GRIK1: variants seen among roughly 807,000 people sequenced by gnomAD.
The protein encoded by GRIK1 is glutamate receptor ionotropic, kainate 1.
In GRIK1, 69 loss-of-function variants were observed where a neutral mutation model predicts 105.7. The observed-to-expected ratio is 0.65, with a 90% confidence interval of 0.54 to 0.80. GRIK1 has a LOEUF of 0.80. Among genes scored for constraint, GRIK1 ranks in the 30% least tolerant of loss-of-function variants. GRIK1 has a pLI of 0.00. For missense variants in GRIK1, 1,109 were observed against 1,167.3 expected (o/e 0.95, Z 0.73); for synonymous variants, 438 against 431.3 (o/e 1.02, Z -0.19).
At chr21:29,937,903 T>C (rs1488795477) in intron 1 of GRIK1, among the ~76,000 whole-genome samples, 3 of 152,138 alleles carry the variant, frequency 2.0e-5, no homozygotes, top group Non-Finnish European at 4.4e-5. Flanking sequence ...TTATGTATAG[T>C]AGTAAGTTTT....
At chr21:29,783,042 A>G (rs1268907565) in intron 1 of GRIK1, among the ~76,000 whole-genome samples, 3 of 152,198 alleles carry the variant, frequency 2.0e-5, no homozygotes, top group Non-Finnish European at 4.4e-5. Flanking sequence ...TATAGCCCCC[A>G]ACACAACACA....
intron 1 of GRIK1, among the ~76,000 whole-genome samples, chr21:29,791,360 C>T (rs2066408960): frequency 6.6e-6 from 1 of 152,052 alleles, no homozygotes; most frequent in African/African-American, 2.4e-5. Context: ...GGCACTGAAG[C>T]CTGGAGAAAG....
intron 16 of GRIK1, among the ~76,000 whole-genome samples, chr21:29,551,362 T>C (rs946841036): frequency 6.6e-6 from 1 of 152,168 alleles, no homozygotes; most frequent in African/African-American, 2.4e-5. Flanking sequence ...TATTAAGAAA[T>C]TGAGACTGAG....
At position 29,805,535 on chromosome 21, in the gene GRIK1, G is replaced by T. The variant is rs527457012; in HGVS notation, c.119-111472C>A. 6.6e-5 allele frequency among the ~76,000 whole-genome samples: 10 copies of T among 152,262 alleles called. No homozygotes were observed. In the South Asian group the frequency reaches 1.5e-3, roughly 22 times the overall value. On this transcript the variant is annotated intron_variant, in intron 1 of 17. Coordinates refer to ENST00000327783, the MANE Select transcript of GRIK1 (RefSeq NM_001330994.2). Reference sequence around the variant, plus strand: ...AAATTTTGAAGACTAAGAAGAAATTGTTTTCTTCTAGTGGATAAACAACTC... The same window carrying T: ...AAATTTTGAAGACTAAGAAGAAATTTTTTTCTTCTAGTGGATAAACAACTC...
intron 1 of GRIK1, among the ~76,000 whole-genome samples, chr21:29,879,791 T>A (rs1251421344): frequency 1.3e-5 from 2 of 152,132 alleles, no homozygotes; most frequent in Non-Finnish European, 2.9e-5. Flanking sequence ...TTTGCAACTG[T>A]CTTCTGCTTA....
At chr21:29,650,378 C>T (rs2832423) in intron 6 of GRIK1, among the ~76,000 whole-genome samples, 5,451 of 152,262 alleles carry the variant, frequency 0.036, 339 homozygotes, top group African/African-American at 0.12. Context: ...TATCTTTCCC[C>T]TTAGATGGCT....
chr21:29,820,136 C>CATT (rs1398986106), intron 1 of GRIK1, among the ~76,000 whole-genome samples: 1 of 152,092 alleles, frequency 6.6e-6, no homozygotes, highest in African/African-American at 2.4e-5. Context: ...AGTAATCAAT[C>CATT]ATTTGCACAC....
chr21:29,555,972 C>G (rs1279319650), intron 15 of GRIK1, among the ~76,000 whole-genome samples: 1 of 152,158 alleles, frequency 6.6e-6, no homozygotes, highest in Non-Finnish European at 1.5e-5. Context: ...TGACTTCCAG[C>G]CCCTGTTCCA....
chr21:29,659,724 G>T (rs999954977), intron 4 of GRIK1, among the ~76,000 whole-genome samples: 2 of 152,168 alleles, frequency 1.3e-5, no homozygotes, highest in African/African-American at 4.8e-5. Context: ...ACTTTGGGAG[G>T]CCGAGTTGGA....
chr21:29,658,518 T>A (rs1251935630), intron 4 of GRIK1, among the ~76,000 whole-genome samples: 1 of 152,218 alleles, frequency 6.6e-6, no homozygotes, highest in Non-Finnish European at 1.5e-5. Context: ...TGTCTTGGTC[T>A]CCCTAAGTGC....
intron 1 of GRIK1, among the ~76,000 whole-genome samples, chr21:29,752,692 G>A (rs2065236501): frequency 6.6e-6 from 1 of 152,106 alleles, no homozygotes; most frequent in South Asian, 2.1e-4. Context: ...TAAAAAATTA[G>A]TGAGTGTGGT....
chr21:29,804,804 A>G (rs1489532937), intron 1 of GRIK1, among the ~76,000 whole-genome samples: 1 of 152,218 alleles, frequency 6.6e-6, no homozygotes, highest in African/African-American at 2.4e-5. Flanking sequence ...TTAGTTATAC[A>G]TAAGTGTCAT....
chr21:29,883,918 A>T (rs2069515770), intron 1 of GRIK1, among the ~76,000 whole-genome samples: 2 of 152,128 alleles, frequency 1.3e-5, no homozygotes, highest in South Asian at 4.1e-4. Flanking sequence ...AAAACCCGAC[A>T]GGCTTCAACA....
rs559897822 is a variant in GRIK1 at position 29,565,979 on chromosome 21, C to A, written c.2131-4130G>T. ...CTGCAGAGTTCTGTCCGCTGCATGC[C>A]ACGCTCAGTAATGTTTATTTTTTGT... On this transcript the variant is annotated intron_variant, in intron 14 of 17. Transcript: ENST00000327783. Among the ~76,000 whole-genome samples the A allele has an allele frequency of 3.3e-5, 5 of 152,242 alleles. No homozygotes were observed. The East Asian group carries it at 7.7e-4, about 23-fold the overall frequency.
intron 7 of GRIK1, among the ~76,000 whole-genome samples, chr21:29,608,865 G>A (rs766291271): frequency 1.7e-4 from 26 of 152,062 alleles, no homozygotes; most frequent in African/African-American, 6.0e-4. Context: ...CTGTACTAGA[G>A]GATGGAATCA....
chr21:29,711,345 C>A (rs2064044432), intron 1 of GRIK1, among the ~76,000 whole-genome samples: 1 of 152,122 alleles, frequency 6.6e-6, no homozygotes, highest in Admixed American at 6.5e-5. Flanking sequence ...CACAGGTTTG[C>A]AGCCTAGGAG....
intron 1 of GRIK1, among the ~76,000 whole-genome samples, chr21:29,922,140 C>T (rs1370943136): frequency 6.6e-6 from 1 of 152,050 alleles, no homozygotes; most frequent in East Asian, 1.9e-4. Context: ...TGATTCTGTT[C>T]ATAAACTCTG....
intron 1 of GRIK1, among the ~76,000 whole-genome samples, chr21:29,741,638 T>G (rs1186540473): frequency 1.3e-5 from 2 of 152,256 alleles, no homozygotes; most frequent in African/African-American, 4.8e-5. Context: ...CACATATTTC[T>G]TGAAGGATAC....
intron 3 of GRIK1, among the ~76,000 whole-genome samples, chr21:29,677,869 T>G (rs1340779378): frequency 1.3e-5 from 2 of 152,224 alleles, no homozygotes; most frequent in African/African-American, 2.4e-5. Flanking sequence ...AAACTCCTTT[T>G]GATGCATGAG....
Sources: allele counts gnomAD v4.1 joint callset (sites outside exome capture counted in the v4.1 genomes callset), GRCh38; gene constraint gnomAD v4.1.1; transcripts MANE v1.5; gene names NCBI Gene and HGNC (gene_info 2026-07-23, HGNC 2026-07-21).